FAM13C: variants seen among roughly 807,000 people sequenced by gnomAD.
FAM13C encodes the protein family with sequence similarity 13 member C.
FAM13C carries 37 observed loss-of-function variants against 73.2 expected under a neutral mutation model. The ratio of observed to expected loss-of-function variants is 0.51; its 90% CI spans 0.39 to 0.67. FAM13C has a LOEUF of 0.67. Ranked by LOEUF, FAM13C falls within the 30% of genes least tolerant of loss-of-function variation. The pLI is 0.00. For synonymous variants in FAM13C, 246 were observed against 260.9 expected, an observed-to-expected ratio of 0.94 and a Z score of 0.55; for missense variants, 589 against 715.6, an observed-to-expected ratio of 0.82 and a Z score of 2.02.
At chr10:59,305,099 C>A (rs1405245585) in intron 4 of FAM13C, among the ~76,000 whole-genome samples, 1 of 152,166 alleles carries the variant, frequency 6.6e-6, no homozygotes, top group Non-Finnish European at 1.5e-5. Context: ...ATTATGAAGC[C>A]TCAGGTATTC....
intron 5 of FAM13C, among the ~76,000 whole-genome samples, chr10:59,288,199 T>C (rs1051036077): frequency 2.6e-5 from 4 of 152,182 alleles, no homozygotes; most frequent in African/African-American, 9.6e-5. Flanking sequence ...TGGCTAGAAC[T>C]ATCCATTGGT....
intron 1 of FAM13C, among the ~76,000 whole-genome samples, chr10:59,360,191 G>A (rs1304553959): frequency 6.6e-6 from 1 of 152,160 alleles, no homozygotes; most frequent in Admixed American, 6.5e-5. Context: ...TAGAAAATAG[G>A]TTAGGTAAAA....
At chr10:59,311,008 CTTT>C (rs1848851340) in intron 4 of FAM13C, among the ~76,000 whole-genome samples, 4 of 152,206 alleles carry the variant, frequency 2.6e-5, no homozygotes, top group Non-Finnish European at 5.9e-5. Context: ...GGAGGAACTT[CTTT>C]GAGTATAGGA....
In FAM13C at chr10:59,283,409, C is replaced by T. The variant is rs775887003; in HGVS notation, c.546G>A (p.Ala182=). ...AAQVHGVKDP[A]PASTQSVLAD... ...CAAGCACGCTCTGGGTTGATGCTGG[C>T]GCCGGGTCCTTGACTCCATGCACCT... Residue 182 remains alanine (A), a synonymous_variant, in exon 6 of 14, where the codon GCG becomes GCA. Transcript: ENST00000618804. The T allele has an allele frequency of 1.9e-5, 30 of 1,614,076 alleles. No homozygotes were observed. The highest frequency in any genetic ancestry group is 9.9e-5 in the South Asian group (9 of 91,084).
intron 3 of FAM13C, among the ~76,000 whole-genome samples, chr10:59,336,969 A>T (rs1287104871): frequency 6.6e-6 from 1 of 152,126 alleles, no homozygotes. Flanking sequence ...CTTGAGTTCC[A>T]CTATCACTCA....
chr10:59,355,656 G>A lies in FAM13C; in HGVS notation c.119+231C>T, dbSNP rs987233771. On this transcript the variant is annotated intron_variant, in intron 2 of 13. Transcript: ENST00000618804. ...GGCTAATCAATACTCAGTTCAACAG[G>A]CATTTATCAAGTGTTCCCACAGGTA... 5.3e-5 allele frequency among the ~76,000 whole-genome samples: 8 copies of A among 152,286 alleles called. 1 individual carries two copies. The highest frequency in any genetic ancestry group is 4.6e-4 in the Admixed American group (7 of 15,302).
chr10:59,259,673 A>G (rs1412799752), intron 10 of FAM13C, among the ~76,000 whole-genome samples: 1 of 152,200 alleles, frequency 6.6e-6, no homozygotes, highest in Non-Finnish European at 1.5e-5. Context: ...CATTATAGGT[A>G]TATTTGAGGG....
At chr10:59,258,298 A>G (rs1564483561) in intron 10 of FAM13C, among the ~76,000 whole-genome samples, 1 of 152,124 alleles carries the variant, frequency 6.6e-6, no homozygotes, top group Non-Finnish European at 1.5e-5. Flanking sequence ...AGCCTGGGCA[A>G]AAGTGAGAGC....
Position 59,262,648 on chromosome 10 carries a change from A to G in FAM13C, c.1025-3T>C. 6.2e-7 allele frequency: 1 copy of G among 1,612,160 alleles called. No individual in the cohort carries two copies. Among genetic ancestry groups the G allele is most frequent in the Non-Finnish European group, 8.5e-7 (1 of 1,178,702 alleles). ...TTCTGACAGCTTTAGCTTTAGTTCTAAGAGAAATGCTATGAGTTATCATAA... is the reference window on the plus strand; with the variant it reads ...TTCTGACAGCTTTAGCTTTAGTTCTGAGAGAAATGCTATGAGTTATCATAA... On this transcript the variant is annotated splice_region_variant and splice_polypyrimidine_tract_variant and intron_variant, in intron 9 of 13. Transcript: ENST00000618804.
At chr10:59,361,402 G>A (rs1232037961) in intron 1 of FAM13C, among the ~76,000 whole-genome samples, 1 of 152,090 alleles carries the variant, frequency 6.6e-6, no homozygotes, top group Non-Finnish European at 1.5e-5. Flanking sequence ...ACATTTATTT[G>A]CTTTTTAGGG....
intron 5 of FAM13C, among the ~76,000 whole-genome samples, chr10:59,302,476 T>G (rs1418132156): frequency 6.6e-6 from 1 of 152,036 alleles, no homozygotes; most frequent in African/African-American, 2.4e-5. Flanking sequence ...AAAATAAAAT[T>G]AAGAGAAAAT....
intron 5 of FAM13C, among the ~76,000 whole-genome samples, chr10:59,284,240 A>G (rs1290455236): frequency 6.6e-6 from 1 of 152,104 alleles, no homozygotes; most frequent in African/African-American, 2.4e-5. Flanking sequence ...TCTTAATAAG[A>G]ACAAAGTCAT....
intron 3 of FAM13C, among the ~76,000 whole-genome samples, chr10:59,348,026 T>A (rs1196225427): frequency 6.6e-6 from 1 of 152,200 alleles, no homozygotes; most frequent in Non-Finnish European, 1.5e-5. Context: ...TATTTACACC[T>A]TTGTTTTTAA....
chr10:59,260,403 C>T (rs1407419687), intron 10 of FAM13C, among the ~76,000 whole-genome samples: 1 of 152,132 alleles, frequency 6.6e-6, no homozygotes, highest in Non-Finnish European at 1.5e-5. Flanking sequence ...TCCTGTTCTC[C>T]AACCCTCAAA....
In FAM13C at chr10:59,282,583, G is replaced by C. The variant is rs369155765; in HGVS notation, c.592+780C>G. On this transcript the variant is annotated intron_variant, in intron 6 of 13. Transcript: ENST00000618804. ...CTAGAGATTAAGGACCTTTCATGAA[G>C]AATGCTCCCTAAGCCTATTTCTACC... The C allele has an allele frequency of 2.0e-5, 3 of 152,130 alleles. No individual in the cohort carries two copies. The East Asian group carries it at 5.8e-4, about 29-fold the overall frequency. 9.4% of individuals were successfully genotyped at this position (152,130 alleles called of 1,614,324 possible).
intron 9 of FAM13C, 128 bp from the exon 10 acceptor site, chr10:59,262,773 A>G (rs1842641777): frequency 1.3e-6 from 1 of 740,878 alleles, no homozygotes; most frequent in Non-Finnish European, 2.2e-6. Flanking sequence ...GGCTTTCCAC[A>G]GGGCAACGGC....
intron 6 of FAM13C, among the ~76,000 whole-genome samples, chr10:59,275,292 A>G (rs948148060): frequency 7.9e-5 from 12 of 152,164 alleles, no homozygotes; most frequent in African/African-American, 2.7e-4. Flanking sequence ...GAATTAGCCA[A>G]TTCACTCAGG....
intron 10 of FAM13C, among the ~76,000 whole-genome samples, chr10:59,256,557 T>A (rs1464769953): frequency 6.6e-6 from 1 of 152,112 alleles, no homozygotes; most frequent in African/African-American, 2.4e-5. Flanking sequence ...ATTAAAGCAA[T>A]CCCTGAGGAA....
intron 3 of FAM13C, among the ~76,000 whole-genome samples, chr10:59,331,094 C>T (rs1026506022): frequency 6.6e-6 from 1 of 152,190 alleles, no homozygotes; most frequent in Admixed American, 6.5e-5. Flanking sequence ...CTTCCTAGTT[C>T]CTGCCCTCAG....
Sources: allele counts gnomAD v4.1 joint callset (sites outside exome capture counted in the v4.1 genomes callset), GRCh38; gene constraint gnomAD v4.1.1; transcripts MANE v1.5; gene names NCBI Gene and HGNC (gene_info 2026-07-23, HGNC 2026-07-21).